NAV3: variants seen among roughly 807,000 people sequenced by gnomAD.
NAV3 encodes the protein pore membrane and/or filament interacting like protein 1.
Under a neutral mutation model 244.7 loss-of-function variants are expected in NAV3, and 87 were observed. The observed-to-expected ratio is 0.36, with a 90% CI of 0.30 to 0.42. The LOEUF (loss-of-function observed/expected upper bound fraction) is 0.42, where lower values mean the gene tolerates loss of function less well. NAV3 is among the 20% of genes least tolerant of loss of function. The pLI, the probability that NAV3 is intolerant of heterozygous loss-of-function variation, is 1.00. For synonymous variants in NAV3, 1,126 were observed against 1,042.2 expected, an observed-to-expected ratio of 1.08 and a Z score of -1.55; for missense variants, 2,663 against 2,893.3, an observed-to-expected ratio of 0.92 and a Z score of 1.83.
At chr12:78,210,317 T>G in intron 39 of NAV3, 81 bp from the exon 40 acceptor site, 1 of 1,582,724 alleles carries the variant, frequency 6.3e-7, no homozygotes, top group Non-Finnish European at 8.6e-7. Context: ...AGCTCTTCGG[T>G]GTGGCTCAGG....
chr12:77,768,670 G>A (rs1869915826), intron 2 of NAV3, among the ~76,000 whole-genome samples: 2 of 152,226 alleles, frequency 1.3e-5, no homozygotes, highest in Non-Finnish European at 1.5e-5. Context: ...GGGGCAGGGG[G>A]ACTTCTGGGC....
intron 11 of NAV3, 109 bp from the exon 12 acceptor site, chr12:78,058,887 A>G: frequency 1.2e-6 from 1 of 863,892 alleles, no homozygotes; most frequent in Non-Finnish European, 1.6e-6. Flanking sequence ...AGATAATAGA[A>G]TATATTTGAG....
At chr12:77,987,175 A>G (rs1870663557) in intron 5 of NAV3, among the ~76,000 whole-genome samples, 1 of 152,176 alleles carries the variant, frequency 6.6e-6, no homozygotes, top group Non-Finnish European at 1.5e-5. Context: ...CATATTCTGT[A>G]TACAGATTCT....
intron 2 of NAV3, among the ~76,000 whole-genome samples, chr12:77,774,734 A>T (rs1433521148): frequency 2.0e-5 from 3 of 152,188 alleles, no homozygotes; most frequent in African/African-American, 7.2e-5. Context: ...CCGCATTTAA[A>T]TACATTATAA....
chr12:77,739,203 T>A (rs1868284345), intron 2 of NAV3, among the ~76,000 whole-genome samples: 1 of 152,102 alleles, frequency 6.6e-6, no homozygotes, highest in Non-Finnish European at 1.5e-5. Context: ...TTAAAAGATA[T>A]GATTTAAAAT....
intron 2 of NAV3, among the ~76,000 whole-genome samples, chr12:77,598,784 A>AATT (rs1354949880): frequency 1.3e-5 from 2 of 151,912 alleles, no homozygotes; most frequent in Admixed American, 6.6e-5. Context: ...CATACCATAT[A>AATT]ATTGTCCATC....
chr12:77,917,041 A>T lies in NAV3; in HGVS notation c.244-23278A>T, dbSNP rs565806569. ...CTAGTCTTATAAACATAGCATTATT[A>T]TATAAAAATCATAATGAAAAAGAAA... On this transcript the variant is annotated intron_variant, in intron 1 of 39. Coordinates refer to ENST00000397909, the MANE Select transcript of NAV3 (RefSeq NM_001024383.2). 9.9e-5 allele frequency among the ~76,000 whole-genome samples: 15 copies of T among 152,158 alleles called. 1 individual carries two copies. In the South Asian group the frequency reaches 3.1e-3, roughly 32 times the overall value.
rs142520380 is a variant in NAV3, at chr12:78,062,589, C to T, written c.2636+3474C>T. On this transcript the variant is annotated intron_variant, in intron 12 of 39. Coordinates refer to ENST00000397909, the MANE Select transcript of NAV3 (RefSeq NM_001024383.2). ...GAGCTTTTTTATCACTGATTCCCTC[C>T]CTTTTTTCTCTTATGATAATAATTA... Among the ~76,000 whole-genome samples the T allele has an allele frequency of 1.4e-3, 218 of 152,132 alleles. 7 individuals carry two copies. The East Asian group carries it at 0.039, about 27-fold the overall frequency.
At chr12:77,938,100 A>T (rs930101462) in intron 1 of NAV3, among the ~76,000 whole-genome samples, 3 of 152,046 alleles carry the variant, frequency 2.0e-5, no homozygotes, top group African/African-American at 7.2e-5. Context: ...TCCTTTTTCA[A>T]CCCATGGCCC....
chr12:77,798,104 G>T lies in NAV3; in HGVS notation c.73-142215G>T, dbSNP rs1294552146. ...TTGAACCGGGGATGTGGAGGTTGTAGCTCACCGAGATTATGCCACTGCACT... is the reference window on the plus strand; with the variant it reads ...TTGAACCGGGGATGTGGAGGTTGTATCTCACCGAGATTATGCCACTGCACT... On this transcript the variant is annotated intron_variant, in intron 2 of 8. Coordinates refer to the NAV3 transcript ENST00000550042. Among the ~76,000 whole-genome samples the T allele has an allele frequency of 2.0e-5, 3 of 152,034 alleles. No homozygotes were observed. The East Asian group carries it at 5.8e-4, about 29-fold the overall frequency.
At chr12:77,591,337 G>A (rs757475634) in intron 2 of NAV3, among the ~76,000 whole-genome samples, 3 of 152,186 alleles carry the variant, frequency 2.0e-5, no homozygotes, top group Non-Finnish European at 2.9e-5. Context: ...AATCTTCACT[G>A]CTGTAGTTCC....
intron 2 of NAV3, among the ~76,000 whole-genome samples, chr12:77,696,284 A>G (rs1290651468): frequency 6.6e-6 from 1 of 152,188 alleles, no homozygotes; most frequent in East Asian, 1.9e-4. Flanking sequence ...GTTACATAAG[A>G]CTGTGACTTC....
intron 3 of NAV3, among the ~76,000 whole-genome samples, chr12:77,943,072 G>A (rs187998891): frequency 2.0e-5 from 3 of 152,182 alleles, no homozygotes; most frequent in Admixed American, 1.3e-4. Context: ...ACTCAGTGAT[G>A]GAAAAACAAT....
At chr12:78,092,359 T>G (rs140718148) in intron 12 of NAV3, among the ~76,000 whole-genome samples, 80 of 152,070 alleles carry the variant, frequency 5.3e-4, no homozygotes, top group African/African-American at 1.9e-3. Flanking sequence ...GTAAAATAAT[T>G]TGTTGATATT....
chr12:78,185,813 C>A, intron 31 of NAV3, 115 bp downstream of exon 31: 2 of 835,986 alleles, frequency 2.4e-6, no homozygotes, highest in Non-Finnish European at 3.7e-6. Flanking sequence ...TGTGGATTGG[C>A]ATTAGCTTAA....
At chr12:77,718,140 G>C (rs1236488494) in intron 2 of NAV3, among the ~76,000 whole-genome samples, 2 of 152,102 alleles carry the variant, frequency 1.3e-5, no homozygotes, top group Non-Finnish European at 2.9e-5. Flanking sequence ...CATAATCCAT[G>C]AAATCAGTAC....
At chr12:77,664,029 A>G (rs1873601173) in intron 2 of NAV3, among the ~76,000 whole-genome samples, 1 of 152,216 alleles carries the variant, frequency 6.6e-6, no homozygotes, top group South Asian at 2.1e-4. Context: ...GTCATGTAAA[A>G]CATTTCTACA....
chr12:77,949,766 A>C (rs1428944425), intron 3 of NAV3, among the ~76,000 whole-genome samples: 2 of 152,078 alleles, frequency 1.3e-5, no homozygotes, highest in Non-Finnish European at 2.9e-5. Flanking sequence ...AGACAAATAT[A>C]TAATGACCTG....
chr12:77,971,013 C>G (rs552337568), intron 5 of NAV3, among the ~76,000 whole-genome samples: 1 of 151,996 alleles, frequency 6.6e-6, no homozygotes. Context: ...AATTTATTGT[C>G]TAGAATTTCT....
Sources: allele counts gnomAD v4.1 joint callset (sites outside exome capture counted in the v4.1 genomes callset), GRCh38; gene constraint gnomAD v4.1.1; transcripts MANE v1.5; gene names NCBI Gene and HGNC (gene_info 2026-07-23, HGNC 2026-07-21).